Variants in CHODL observed in about 807,000 individuals in gnomAD.
CHODL encodes transmembrane protein MT75.
CHODL carries 29 observed loss-of-function variants against 34.5 expected under a neutral mutation model. The observed-to-expected ratio is 0.84, with a 90% CI of 0.63 to 1.15. The LOEUF is 1.15. CHODL is among the 50% of genes most tolerant of loss of function. The pLI, the probability that CHODL is intolerant of heterozygous loss-of-function variation, is 0.00. For missense variants in CHODL, 332 were observed against 332.5 expected (o/e 1.00, Z 0.01); for synonymous variants, 125 against 116.1 (o/e 1.08, Z -0.49).
intron 2 of CHODL, among the ~76,000 whole-genome samples, chr21:18,097,741 A>G (rs2065157191): frequency 6.6e-6 from 1 of 152,144 alleles, no homozygotes; most frequent in African/African-American, 2.4e-5. Context: ...ATGGAATCAC[A>G]AAAGACCATA....
intron 2 of CHODL, among the ~76,000 whole-genome samples, chr21:18,069,328 C>T (rs1448161916): frequency 2.6e-5 from 4 of 152,086 alleles, no homozygotes; most frequent in African/African-American, 9.7e-5. Flanking sequence ...CATTCCTTTA[C>T]TCGAAAATCC....
At chr21:18,141,775 A>G (rs2072806750) in intron 2 of CHODL, among the ~76,000 whole-genome samples, 1 of 151,984 alleles carries the variant, frequency 6.6e-6, no homozygotes, top group African/African-American at 2.4e-5. Flanking sequence ...AAACTCCTAC[A>G]TTTGTAGATC....
chr21:18,018,586 G>A (rs1006808493), intron 1 of CHODL, among the ~76,000 whole-genome samples: 5 of 152,178 alleles, frequency 3.3e-5, no homozygotes, highest in Non-Finnish European at 4.4e-5. Flanking sequence ...CTCCCCATAA[G>A]CTGAGCAAAT....
At chr21:18,006,101 G>A (rs1385484552) in intron 1 of CHODL, among the ~76,000 whole-genome samples, 1 of 152,114 alleles carries the variant, frequency 6.6e-6, no homozygotes, top group Admixed American at 6.6e-5. Context: ...CGCCATCCAC[G>A]CAAGATGTGA....
chr21:18,092,070 G>A (rs942993107), intron 2 of CHODL, among the ~76,000 whole-genome samples: 1 of 152,198 alleles, frequency 6.6e-6, no homozygotes, highest in Admixed American at 6.5e-5. Flanking sequence ...CCAGTGCTGT[G>A]CTGGTTTCAG....
chr21:18,226,564 A>C (rs1019748817), intron 2 of CHODL, among the ~76,000 whole-genome samples: 1 of 152,088 alleles, frequency 6.6e-6, no homozygotes, highest in Non-Finnish European at 1.5e-5. Flanking sequence ...TTCCCAAAGT[A>C]CTGGGATTAC....
chr21:18,035,632 C>T (rs1030459144), intron 2 of CHODL, among the ~76,000 whole-genome samples: 32 of 151,894 alleles, frequency 2.1e-4, no homozygotes, highest in African/African-American at 5.6e-4. Flanking sequence ...TGTTGTATTA[C>T]TTCTTCTTTT....
intron 2 of CHODL, among the ~76,000 whole-genome samples, chr21:18,136,281 T>C (rs2072726973): frequency 6.6e-6 from 1 of 152,122 alleles, no homozygotes; most frequent in Non-Finnish European, 1.5e-5. Flanking sequence ...TACTTCAGTT[T>C]GGGATTAGGA....
chr21:18,123,645 ATAAC>A (rs1219350604), intron 2 of CHODL, among the ~76,000 whole-genome samples: 2 of 152,174 alleles, frequency 1.3e-5, no homozygotes, highest in Non-Finnish European at 2.9e-5. Flanking sequence ...CATTCCCACA[ATAAC>A]TAACCTGCTC....
chr21:18,047,151 T>TATGG (rs752925229), intron 2 of CHODL, among the ~76,000 whole-genome samples: 36 of 152,110 alleles, frequency 2.4e-4, no homozygotes, highest in Non-Finnish European at 4.4e-4. Context: ...AATCTGGACT[T>TATGG]ATGGATGCTC....
chr21:18,225,452 T>C (rs1265907084), intron 2 of CHODL, among the ~76,000 whole-genome samples: 1 of 152,116 alleles, frequency 6.6e-6, no homozygotes, highest in African/African-American at 2.4e-5. Context: ...CTTAATTATG[T>C]ATTATTATTC....
At chr21:18,149,261 G>A (rs945160549) in intron 2 of CHODL, among the ~76,000 whole-genome samples, 2 of 152,144 alleles carry the variant, frequency 1.3e-5, no homozygotes, top group African/African-American at 4.8e-5. Flanking sequence ...CTCAGGAAAA[G>A]GGGGCTCACA....
chr21:18,039,978 A>T (rs1384663746), intron 2 of CHODL, among the ~76,000 whole-genome samples: 1 of 151,786 alleles, frequency 6.6e-6, no homozygotes, highest in African/African-American at 2.4e-5. Context: ...CCAAACATGG[A>T]CTAAGTTCAC....
At chr21:18,168,522 TA>T (rs1443919261) in intron 2 of CHODL, among the ~76,000 whole-genome samples, 2 of 152,214 alleles carry the variant, frequency 1.3e-5, no homozygotes, top group Non-Finnish European at 2.9e-5. Flanking sequence ...CCCTAATGAT[TA>T]ATGATATTAG....
intron 2 of CHODL, among the ~76,000 whole-genome samples, chr21:18,194,486 C>T (rs1003524670): frequency 4.6e-5 from 7 of 152,108 alleles, no homozygotes; most frequent in African/African-American, 1.2e-4. Context: ...GATTTTCTCA[C>T]GGCTATTTAT....
intron 2 of CHODL, among the ~76,000 whole-genome samples, chr21:18,207,956 C>T (rs759186726): frequency 2.0e-5 from 3 of 151,936 alleles, no homozygotes; most frequent in Non-Finnish European, 4.4e-5. Flanking sequence ...CGGGTTATAT[C>T]TGCTTAGTGT....
At chr21:18,226,741 C>A (rs1300181498) in intron 2 of CHODL, among the ~76,000 whole-genome samples, 1 of 151,864 alleles carries the variant, frequency 6.6e-6, no homozygotes, top group Non-Finnish European at 1.5e-5. Context: ...TGTTTTCTGT[C>A]ATTTTGAATA....
At chr21:18,145,502 A>T (rs1029196121) in intron 2 of CHODL, among the ~76,000 whole-genome samples, 22 of 151,542 alleles carry the variant, frequency 1.5e-4, no homozygotes, top group African/African-American at 5.1e-4. Flanking sequence ...CCTATATGTG[A>T]AAAGATGACC....
chr21:18,235,255 T>C (rs1367829457), intron 2 of CHODL, among the ~76,000 whole-genome samples: 4 of 152,178 alleles, frequency 2.6e-5, no homozygotes, highest in African/African-American at 9.6e-5. Flanking sequence ...TTAGAGCAGA[T>C]GAATATGTAA....
Sources: allele counts gnomAD v4.1 joint callset (sites outside exome capture counted in the v4.1 genomes callset), GRCh38; gene constraint gnomAD v4.1.1; transcripts MANE v1.5; gene names NCBI Gene and HGNC (gene_info 2026-07-23, HGNC 2026-07-21).